TBC1D4: variants seen among roughly 807,000 people sequenced by gnomAD.
TBC1D4 encodes the protein TBC (Tre-2, BUB2, CDC16) domain-containing protein.
Under a neutral mutation model 142.5 loss-of-function variants are expected in TBC1D4, and 121 were observed. That is an observed-to-expected ratio of 0.85 (90% confidence interval 0.73 to 0.99). The LOEUF is 0.99. Among genes scored for constraint, TBC1D4 ranks in the 50% least tolerant of loss-of-function variants. The pLI is 0.00. For synonymous variants in TBC1D4, 630 were observed against 628.2 expected (o/e 1.00, Z -0.04); for missense variants, 1,475 against 1,606.6 (o/e 0.92, Z 1.40).
chr13:75,446,295 T>C (rs940023744), intron 1 of TBC1D4, among the ~76,000 whole-genome samples: 2 of 152,258 alleles, frequency 1.3e-5, no homozygotes, highest in Non-Finnish European at 2.9e-5. Context: ...TCCGTAGCTT[T>C]TAGAACATTC....
At chr13:75,302,583 C>T in intron 15 of TBC1D4, 182 bp from the exon 16 acceptor site, 1 of 678,982 alleles carries the variant, frequency 1.5e-6, no homozygotes, top group South Asian at 1.8e-5. Flanking sequence ...GCTCTTGATG[C>T]CTTGCAAAAG....
Position 75,359,866 on chromosome 13 carries a change from A to G in TBC1D4, c.1081-8T>C. On this transcript the variant is annotated splice_polypyrimidine_tract_variant and splice_region_variant and intron_variant, in intron 2 of 20. Coordinates refer to ENST00000377636, the MANE Select transcript of TBC1D4 (RefSeq NM_014832.5). Reference sequence around the variant, plus strand: ...AATCTCAAATCGCCCAACCTTAAAAATAAAAGCATTCCAATTAATTTCAAT... The same window carrying G: ...AATCTCAAATCGCCCAACCTTAAAAGTAAAAGCATTCCAATTAATTTCAAT... The G allele has an allele frequency of 6.2e-7, 1 of 1,607,990 alleles. No homozygotes were observed. Among genetic ancestry groups the G allele is most frequent in the Middle Eastern group, 1.7e-4 (1 of 6,042 alleles).
intron 1 of TBC1D4, among the ~76,000 whole-genome samples, chr13:75,453,587 C>A (rs184441299): frequency 6.6e-6 from 1 of 152,182 alleles, no homozygotes; most frequent in African/African-American, 2.4e-5. Context: ...CTTGGCTGGG[C>A]GCGGTGGCTC....
At position 75,289,020 on chromosome 13, in the gene TBC1D4, A is replaced by G. The variant is rs377254088; in HGVS notation, c.3577T>C (p.Cys1193Arg). 3.1e-6 allele frequency: 5 copies of G among 1,613,842 alleles called. No homozygotes were observed. Among genetic ancestry groups the G allele is most frequent in the African/African-American group, 2.7e-5 (2 of 74,902 alleles). Residue 1193 changes from cysteine to arginine, a missense_variant, in exon 20 of 21, where the codon TGT (cysteine) becomes CGT (arginine). Coordinates refer to ENST00000377636, the MANE Select transcript of TBC1D4 (RefSeq NM_014832.5). ...TTCTCCAAAGTTTCACTATCCTCAC[A>G]GGAATATGAAGATTCCTGAAGCTCA... Reference protein sequence around the residue: ...QDELQESSYSCEDSETLEKLE... With the variant: ...QDELQESSYSREDSETLEKLE...
chr13:75,307,871 A>AT (rs1349092538), intron 14 of TBC1D4, among the ~76,000 whole-genome samples: 11 of 152,274 alleles, frequency 7.2e-5, no homozygotes, highest in East Asian at 5.8e-4. Context: ...TAACCAAGTA[A>AT]TTTTTTAAAA....
At chr13:75,312,363 G>A (rs1451747048) in intron 13 of TBC1D4, among the ~76,000 whole-genome samples, 1 of 149,936 alleles carries the variant, frequency 6.7e-6, no homozygotes, top group African/African-American at 2.5e-5. Flanking sequence ...AGTGAGCTAT[G>A]ATTACACCAC....
At chr13:75,339,126 G>C (rs1180518652) in intron 7 of TBC1D4, among the ~76,000 whole-genome samples, 2 of 152,134 alleles carry the variant, frequency 1.3e-5, no homozygotes, top group Non-Finnish European at 2.9e-5. Flanking sequence ...AATGTATTTG[G>C]TTTCACATTG....
rs760908101 is a variant in TBC1D4, at chr13:75,481,702, G to C, written c.66C>G (p.Val22=). The change falls in exon 1 of 21, where the codon GTC becomes GTG. Residue 22 remains valine, a synonymous_variant. Coordinates refer to ENST00000377636, the MANE Select transcript of TBC1D4 (RefSeq NM_014832.5). ...GCTTCCCGGGGCCGGGCTGAGCTGA[G>C]ACGCCCGGCTCGGGCTCCAGGGGGT... The part of the protein sequence containing the change: ...FPHPLEPEPG[V]SAQPGPGKPS... 4.4e-6 allele frequency: 7 copies of C among 1,597,644 alleles called. No homozygotes were observed. Among genetic ancestry groups the C allele is most frequent in the Non-Finnish European group, 8.5e-7 (1 of 1,174,114 alleles).
At chr13:75,435,692 T>C (rs1248581797) in intron 1 of TBC1D4, among the ~76,000 whole-genome samples, 1 of 152,146 alleles carries the variant, frequency 6.6e-6, no homozygotes, top group African/African-American at 2.4e-5. Flanking sequence ...AATACCATTC[T>C]CCACTAAAAG....
intron 4 of TBC1D4, among the ~76,000 whole-genome samples, chr13:75,354,830 T>C (rs943674308): frequency 6.6e-6 from 1 of 152,204 alleles, no homozygotes; most frequent in African/African-American, 2.4e-5. Context: ...CGGGTGTTTA[T>C]CCAACCTGCC....
chr13:75,431,249 G>A (rs528265210), intron 1 of TBC1D4, among the ~76,000 whole-genome samples: 122 of 152,254 alleles, frequency 8.0e-4, no homozygotes, highest in Admixed American at 2.7e-3. Context: ...TTTTGGCTTT[G>A]TTTCCATGCA....
chr13:75,314,043 C>G (rs933065855), intron 12 of TBC1D4, among the ~76,000 whole-genome samples: 1 of 152,098 alleles, frequency 6.6e-6, no homozygotes, highest in Non-Finnish European at 1.5e-5. Context: ...CCTCTATTGT[C>G]AAAATTTCAT....
intron 1 of TBC1D4, among the ~76,000 whole-genome samples, chr13:75,400,633 A>ATAT (rs1885043875): frequency 3.5e-5 from 5 of 141,276 alleles, no homozygotes; most frequent in Admixed American, 7.1e-5. Context: ...AATTTTTTGT[A>ATAT]TTTTTTTTTT....
intron 8 of TBC1D4, among the ~76,000 whole-genome samples, chr13:75,330,030 C>T (rs1879619722): frequency 6.6e-6 from 1 of 152,240 alleles, no homozygotes; most frequent in Admixed American, 6.5e-5. Context: ...GAAACTCACG[C>T]TCTTTAGCTC....
At chr13:75,429,894 C>A (rs1008343661) in intron 1 of TBC1D4, among the ~76,000 whole-genome samples, 3 of 152,130 alleles carry the variant, frequency 2.0e-5, no homozygotes, top group African/African-American at 7.2e-5. Flanking sequence ...AGAACTTGAA[C>A]AGAATAAATA....
At chr13:75,351,784 T>C (rs1262306529) in intron 4 of TBC1D4, among the ~76,000 whole-genome samples, 1 of 152,176 alleles carries the variant, frequency 6.6e-6, no homozygotes, top group African/African-American at 2.4e-5. Flanking sequence ...ATGGTGTATA[T>C]GTGCCACATT....
At chr13:75,431,357 A>G (rs1204539765) in intron 1 of TBC1D4, among the ~76,000 whole-genome samples, 1 of 152,184 alleles carries the variant, frequency 6.6e-6, no homozygotes, top group Non-Finnish European at 1.5e-5. Context: ...ATTTTCTTTA[A>G]CTTCCTAAAT....
At chr13:75,288,833 C>A (rs1874957319) in intron 20 of TBC1D4, 101 bp downstream of exon 20, 1 of 1,252,396 alleles carries the variant, frequency 8.0e-7, no homozygotes. Flanking sequence ...TCTTGGTTAG[C>A]AATGGTTCAT....
chr13:75,304,101 A>G (rs1328765651), intron 15 of TBC1D4, among the ~76,000 whole-genome samples: 2 of 152,178 alleles, frequency 1.3e-5, no homozygotes, highest in African/African-American at 4.8e-5. Flanking sequence ...TAGCAAGCAT[A>G]TTTTCATCTC....
Sources: gnomAD v4.1 joint callset for allele counts (sites outside exome capture counted in the v4.1 genomes callset) on GRCh38, gnomAD v4.1.1 for gene constraint, MANE v1.5 for transcripts, NCBI Gene and HGNC (gene_info 2026-07-23, HGNC 2026-07-21) for gene names.